Variants in STXBP5L observed in about 807,000 individuals in gnomAD.
STXBP5L encodes syntaxin-binding protein 5-like.
Under a neutral mutation model 144.5 loss-of-function variants are expected in STXBP5L, and 65 were observed. The ratio of observed to expected loss-of-function variants is 0.45; its 90% CI spans 0.37 to 0.55. STXBP5L has a LOEUF of 0.55. Among genes scored for constraint, STXBP5L ranks in the 20% least tolerant of loss-of-function variants. The pLI, the probability that STXBP5L is intolerant of heterozygous loss-of-function variation, is 0.00. For synonymous variants in STXBP5L, 505 were observed against 469.6 expected (o/e 1.08, Z -0.97); for missense variants, 1,298 against 1,405.5 (o/e 0.92, Z 1.22).
At chr3:120,914,916 C>T (rs1187389487) in intron 2 of STXBP5L, among the ~76,000 whole-genome samples, 2 of 152,092 alleles carry the variant, frequency 1.3e-5, no homozygotes, top group African/African-American at 2.4e-5. Flanking sequence ...TGACTCAGTA[C>T]TCCAGGCTGT....
chr3:120,951,524 C>A (rs1711225295), intron 2 of STXBP5L, among the ~76,000 whole-genome samples: 1 of 152,120 alleles, frequency 6.6e-6, no homozygotes, highest in South Asian at 2.1e-4. Flanking sequence ...CAAAAGAAGA[C>A]ATTTATGCAG....
intron 5 of STXBP5L, among the ~76,000 whole-genome samples, chr3:121,076,487 T>C (rs2042023895): frequency 6.6e-6 from 1 of 152,166 alleles, no homozygotes; most frequent in Non-Finnish European, 1.5e-5. Flanking sequence ...CATTAGAGTC[T>C]TACAGTAGGT....
chr3:121,058,989 T>C (rs1247105884), intron 5 of STXBP5L, among the ~76,000 whole-genome samples: 1 of 152,234 alleles, frequency 6.6e-6, no homozygotes, highest in African/African-American at 2.4e-5. Context: ...AGATCCCATT[T>C]GTCAATTTTG....
chr3:121,031,374 G>C (rs1946357912), intron 3 of STXBP5L, among the ~76,000 whole-genome samples: 1 of 147,890 alleles, frequency 6.8e-6, no homozygotes, highest in African/African-American at 2.5e-5. Flanking sequence ...ATCTATGTAT[G>C]TGTATATATT....
intron 9 of STXBP5L, among the ~76,000 whole-genome samples, chr3:121,183,886 G>C (rs1279599925): frequency 6.6e-6 from 1 of 152,086 alleles, no homozygotes; most frequent in Non-Finnish European, 1.5e-5. Flanking sequence ...TATCTTTGCT[G>C]TTCTGCAGCC....
At chr3:121,217,644 G>C (rs1029141644) in intron 10 of STXBP5L, among the ~76,000 whole-genome samples, 1 of 152,084 alleles carries the variant, frequency 6.6e-6, no homozygotes, top group African/African-American at 2.4e-5. Flanking sequence ...TGCTAGCCCA[G>C]ATTCCGCTTC....
intron 5 of STXBP5L, among the ~76,000 whole-genome samples, chr3:121,077,305 G>A (rs2042060272): frequency 6.6e-6 from 1 of 152,124 alleles, no homozygotes; most frequent in Non-Finnish European, 1.5e-5. Context: ...TGGGTTCTTG[G>A]TCTCACTGAC....
At chr3:121,045,371 T>TA in intron 4 of STXBP5L, 64 bp from the exon 5 acceptor site, 8 of 1,446,930 alleles carry the variant, frequency 5.5e-6, no homozygotes, top group Non-Finnish European at 7.5e-6. Flanking sequence ...ATTAGCTTGT[T>TA]TGTGATTAAA....
Position 121,321,125 on chromosome 3 carries a change from G to T in STXBP5L, c.2176+2585G>T, listed in dbSNP as rs1238384811. ...ACTTGAGGCAGAAATGATGGATTGTGATAAGATCCATTTGTCACTTCAATA... is the reference window on the plus strand; with the variant it reads ...ACTTGAGGCAGAAATGATGGATTGTTATAAGATCCATTTGTCACTTCAATA... On this transcript the variant is annotated intron_variant, in intron 20 of 26. Coordinates refer to ENST00000471454, the MANE Select transcript of STXBP5L (RefSeq NM_001308330.2). Among the ~76,000 whole-genome samples the T allele has an allele frequency of 5.9e-5, 9 of 152,300 alleles. No individual in the cohort carries two copies. The South Asian group carries it at 1.0e-3, about 18-fold the overall frequency.
intron 5 of STXBP5L, among the ~76,000 whole-genome samples, chr3:121,094,359 G>A (rs1225453720): frequency 1.3e-5 from 2 of 152,070 alleles, no homozygotes; most frequent in African/African-American, 4.8e-5. Flanking sequence ...TCTGTCTAAT[G>A]TTGACAGTGG....
intron 3 of STXBP5L, among the ~76,000 whole-genome samples, chr3:121,008,303 G>T (rs543330369): frequency 6.6e-6 from 1 of 152,078 alleles, no homozygotes; most frequent in African/African-American, 2.4e-5. Flanking sequence ...CTAGTGTCAT[G>T]AGAGGTTCTA....
rs1368926051 is a variant in STXBP5L, at chr3:120,954,601, T to C, written c.190-339T>C. On this transcript the variant is annotated intron_variant, in intron 2 of 26. Coordinates refer to ENST00000471454, the MANE Select transcript of STXBP5L (RefSeq NM_001308330.2). Reference sequence around the variant, plus strand: ...GTTTCCAGATTTTTACTATTTTGAATACAGCTGGTAGGGTCTTACTTATAC... The same window carrying C: ...GTTTCCAGATTTTTACTATTTTGAACACAGCTGGTAGGGTCTTACTTATAC... 2.6e-5 allele frequency among the ~76,000 whole-genome samples: 4 copies of C among 152,140 alleles called. No individual in the cohort carries two copies. The East Asian group carries it at 7.7e-4, about 29-fold the overall frequency.
chr3:121,198,147 A>C (rs1004738187), intron 9 of STXBP5L, among the ~76,000 whole-genome samples: 1 of 152,094 alleles, frequency 6.6e-6, no homozygotes, highest in African/African-American at 2.4e-5. Flanking sequence ...TCACAGACTC[A>C]CCAGCGTCTG....
chr3:121,178,344 G>A (rs144404782), intron 9 of STXBP5L, among the ~76,000 whole-genome samples: 137 of 152,192 alleles, frequency 9.0e-4, no homozygotes, highest in Middle Eastern at 3.4e-3. Flanking sequence ...AGGTAAGTTG[G>A]CCATGTTTCC....
In STXBP5L at chr3:120,968,233, GTCTC is replaced by G. The variant is rs539389562; in HGVS notation, c.287+13202_287+13205del. On this transcript the variant is annotated intron_variant, in intron 3 of 26. Transcript: ENST00000471454. ...TTCTACTGTTATTGTGTCACAGTCA[GTCTC>G]TCTCTTTAGGTCTGTTAATATTTGT... is the stretch of plus-strand genomic sequence containing the variant. Among the ~76,000 whole-genome samples, 492 of 152,254 alleles carry G rather than the reference GTCTC, an allele frequency of 3.2e-3. 3 individuals carry two copies. The highest frequency in any genetic ancestry group is 0.011 in the African/African-American group (458 of 41,560).
At chr3:121,119,397 G>T (rs2044362791) in intron 6 of STXBP5L, among the ~76,000 whole-genome samples, 1 of 151,108 alleles carries the variant, frequency 6.6e-6, no homozygotes, top group Non-Finnish European at 1.5e-5. Flanking sequence ...GGGAATACAT[G>T]GCAGTCTAGG....
intron 3 of STXBP5L, among the ~76,000 whole-genome samples, chr3:120,981,039 C>A (rs1941719521): frequency 1.3e-5 from 2 of 152,080 alleles, no homozygotes; most frequent in South Asian, 4.2e-4. Context: ...AACCCAGCAT[C>A]TTCTTGTTTG....
At chr3:121,204,861 T>C (rs1043733535) in intron 9 of STXBP5L, among the ~76,000 whole-genome samples, 1 of 152,160 alleles carries the variant, frequency 6.6e-6, no homozygotes, top group Admixed American at 6.5e-5. Flanking sequence ...TCTATTTCCT[T>C]CTCTTTTTGA....
intron 3 of STXBP5L, among the ~76,000 whole-genome samples, chr3:120,974,228 G>C (rs1398353512): frequency 6.6e-6 from 1 of 152,032 alleles, no homozygotes; most frequent in Non-Finnish European, 1.5e-5. Context: ...TTTAATGATT[G>C]CCATTCTAAC....
Sources: gnomAD v4.1 joint callset for allele counts (sites outside exome capture counted in the v4.1 genomes callset) on GRCh38, gnomAD v4.1.1 for gene constraint, MANE v1.5 for transcripts, NCBI Gene and HGNC (gene_info 2026-07-23, HGNC 2026-07-21) for gene names.